TRPC4: variants seen among roughly 807,000 people sequenced by gnomAD.
TRPC4 encodes transient receptor potential cation channel subfamily C member 4.
A neutral mutation model predicts 99.4 loss-of-function variants in TRPC4; 49 were observed. The ratio of observed to expected loss-of-function variants is 0.49; its 90% CI spans 0.39 to 0.63. The LOEUF (loss-of-function observed/expected upper bound fraction) is 0.63. Ranked by LOEUF, TRPC4 falls within the 20% of genes least tolerant of loss-of-function variation. The probability of loss-of-function intolerance (pLI) is 0.00; values close to 1 mark genes in which losing one functional copy is unlikely to be tolerated. For missense variants in TRPC4, 898 were observed against 1,152.9 expected (o/e 0.78, Z 3.20); for synonymous variants, 454 against 425.9 (o/e 1.07, Z -0.81).
At chr13:37,701,837 A>G (rs1003248531) in intron 3 of TRPC4, among the ~76,000 whole-genome samples, 1 of 152,208 alleles carries the variant, frequency 6.6e-6, no homozygotes, top group African/African-American at 2.4e-5. Flanking sequence ...TGTTTTATAC[A>G]TAAACTATAT....
intron 8 of TRPC4, among the ~76,000 whole-genome samples, chr13:37,650,956 G>C (rs1952026234): frequency 6.6e-6 from 1 of 152,254 alleles, no homozygotes; most frequent in African/African-American, 2.4e-5. Flanking sequence ...AAAAGACCTA[G>C]AAGTCAAGGT....
At chr13:37,817,580 AAAAC>A (rs540880013) in intron 1 of TRPC4, among the ~76,000 whole-genome samples, 138 of 151,448 alleles carry the variant, frequency 9.1e-4, no homozygotes, top group African/African-American at 2.9e-3. Context: ...AATACTAAGG[AAAAC>A]AAACAAACAA....
At chr13:37,836,371 C>G (rs978873121) in intron 1 of TRPC4, among the ~76,000 whole-genome samples, 1 of 152,004 alleles carries the variant, frequency 6.6e-6, no homozygotes, top group Non-Finnish European at 1.5e-5. Flanking sequence ...TTGGGGGGCT[C>G]AGAATACAGG....
intron 5 of TRPC4, among the ~76,000 whole-genome samples, chr13:37,668,616 G>T (rs143586832): frequency 6.0e-4 from 92 of 152,240 alleles, no homozygotes; most frequent in African/African-American, 2.1e-3. Flanking sequence ...AAGATGAACT[G>T]AATCATAATA....
intron 1 of TRPC4, among the ~76,000 whole-genome samples, chr13:37,796,947 A>AATAAAATAAC (rs1436101841): frequency 1.4e-5 from 2 of 138,490 alleles, no homozygotes; most frequent in African/African-American, 5.2e-5. Flanking sequence ...AATAAAATAA[A>AATAAAATAAC]ATAAAATAAA....
intron 1 of TRPC4, among the ~76,000 whole-genome samples, chr13:37,869,116 T>C (rs1959982704): frequency 6.6e-6 from 1 of 152,076 alleles, no homozygotes; most frequent in African/African-American, 2.4e-5. Context: ...GGTAGAACAT[T>C]GATCACTCTC....
chr13:37,826,653 T>G (rs1958224190), intron 1 of TRPC4, among the ~76,000 whole-genome samples: 1 of 152,174 alleles, frequency 6.6e-6, no homozygotes, highest in Admixed American at 6.5e-5. Context: ...GCTGTTAGTC[T>G]GATGGGCTTC....
chr13:37,768,048 T>C (rs1446196080), intron 2 of TRPC4, among the ~76,000 whole-genome samples: 1 of 151,524 alleles, frequency 6.6e-6, no homozygotes, highest in Non-Finnish European at 1.5e-5. Flanking sequence ...TAGATATAAG[T>C]AATCATAGGA....
intron 4 of TRPC4, among the ~76,000 whole-genome samples, chr13:37,686,967 C>G (rs1258332368): frequency 6.6e-6 from 1 of 151,754 alleles, no homozygotes; most frequent in East Asian, 1.9e-4. Flanking sequence ...TCTTTCTTTT[C>G]TTTTCTTTTT....
At chr13:37,687,289 T>G (rs1953516231) in intron 4 of TRPC4, among the ~76,000 whole-genome samples, 2 of 152,158 alleles carry the variant, frequency 1.3e-5, no homozygotes, top group Admixed American at 1.3e-4. Flanking sequence ...TCATGAAAAG[T>G]GTTATCCATT....
intron 6 of TRPC4, among the ~76,000 whole-genome samples, chr13:37,656,886 T>C (rs1379638026): frequency 1.3e-5 from 2 of 152,198 alleles, no homozygotes; most frequent in Non-Finnish European, 2.9e-5. Context: ...ACTCCGGCTC[T>C]TCCCAAAGCT....
intron 2 of TRPC4, among the ~76,000 whole-genome samples, chr13:37,777,966 T>C (rs1251906499): frequency 6.6e-6 from 1 of 152,032 alleles, no homozygotes; most frequent in East Asian, 1.9e-4. Flanking sequence ...AATGACTTTG[T>C]TATTTCTTAG....
intron 5 of TRPC4, among the ~76,000 whole-genome samples, chr13:37,671,321 T>C (rs904486901): frequency 1.6e-4 from 24 of 151,920 alleles, no homozygotes; most frequent in Non-Finnish European, 2.2e-4. Flanking sequence ...AATCAGAAAA[T>C]CAGAGTGACA....
At chr13:37,715,586 G>A (rs1220403396) in intron 3 of TRPC4, among the ~76,000 whole-genome samples, 1 of 152,082 alleles carries the variant, frequency 6.6e-6, no homozygotes, top group African/African-American at 2.4e-5. Flanking sequence ...GCACATATTT[G>A]CATTGAGGAC....
intron 4 of TRPC4, 28 bp downstream of exon 4, chr13:37,691,971 A>G: frequency 6.4e-7 from 1 of 1,571,128 alleles, no homozygotes; most frequent in Non-Finnish European, 8.7e-7. Flanking sequence ...ACATGTTTTT[A>G]TTATATTTTC....
At chr13:37,858,367 A>G (rs1162316873) in intron 1 of TRPC4, among the ~76,000 whole-genome samples, 2 of 151,658 alleles carry the variant, frequency 1.3e-5, no homozygotes, top group African/African-American at 2.4e-5. Context: ...AGATGCCTCA[A>G]ACAACTAAAA....
At chr13:37,838,209 T>C (rs1305686766) in intron 1 of TRPC4, among the ~76,000 whole-genome samples, 2 of 152,234 alleles carry the variant, frequency 1.3e-5, no homozygotes, top group Non-Finnish European at 2.9e-5. Context: ...ATGGAAATAC[T>C]GCAACATTAA....
intron 3 of TRPC4, among the ~76,000 whole-genome samples, chr13:37,715,581 T>C (rs1593573767): frequency 6.6e-6 from 1 of 152,298 alleles, no homozygotes; most frequent in East Asian, 1.9e-4. Context: ...CCAATGCACA[T>C]ATTTGCATTG....
chr13:37,685,261 C>G (rs928361272), intron 4 of TRPC4, among the ~76,000 whole-genome samples: 1 of 152,120 alleles, frequency 6.6e-6, no homozygotes, highest in Non-Finnish European at 1.5e-5. Context: ...TTTGCCTTTT[C>G]AAATTCTACC....
Sources: gnomAD v4.1 joint callset for allele counts (sites outside exome capture counted in the v4.1 genomes callset) on GRCh38, gnomAD v4.1.1 for gene constraint, MANE v1.5 for transcripts, NCBI Gene and HGNC (gene_info 2026-07-23, HGNC 2026-07-21) for gene names.